Variants in FAM227B observed in about 807,000 individuals in gnomAD.
FAM227B encodes the protein family with sequence similarity 227 member B.
A neutral mutation model predicts 73.8 loss-of-function variants in FAM227B; 88 were observed. That is an observed-to-expected ratio of 1.19 (90% CI 1.00 to 1.42). The LOEUF (loss-of-function observed/expected upper bound fraction) is 1.42. Ranked by LOEUF, FAM227B falls within the 40% of genes most tolerant of loss-of-function variation. FAM227B has a pLI of 0.00. For missense variants in FAM227B, 632 were observed against 590.9 expected, an observed-to-expected ratio of 1.07 and a Z score of -0.72; for synonymous variants, 210 against 190.5, an observed-to-expected ratio of 1.10 and a Z score of -0.84.
intron 11 of FAM227B, chr15:49,396,570 GTA>G (rs2047661074): frequency 6.3e-6 from 1 of 157,672 alleles, no homozygotes; most frequent in African/African-American, 2.4e-5. Context: ...AAAGACAACA[GTA>G]ACCTCTGCAG....
At chr15:49,546,861 G>A (rs2071983127) in intron 9 of FAM227B, among the ~76,000 whole-genome samples, 1 of 152,162 alleles carries the variant, frequency 6.6e-6, no homozygotes, top group African/African-American at 2.4e-5. Context: ...ACACTCTGCA[G>A]GATATTATCC....
At chr15:49,334,196 C>T in intron 14 of FAM227B, 1 of 957,532 alleles carries the variant, frequency 1.0e-6, no homozygotes, top group Non-Finnish European at 1.2e-6. Context: ...TTAAGCACTA[C>T]CAAGCTGAAT....
At chr15:49,596,385 A>G (rs984008194) in intron 3 of FAM227B, among the ~76,000 whole-genome samples, 3 of 152,016 alleles carry the variant, frequency 2.0e-5, no homozygotes, top group South Asian at 2.1e-4. Context: ...AAGACAAGAT[A>G]AAGTCCTCTT....
At chr15:49,385,688 C>T (rs567648116) in intron 11 of FAM227B, among the ~76,000 whole-genome samples, 12 of 150,740 alleles carry the variant, frequency 8.0e-5, no homozygotes, top group African/African-American at 2.7e-4. Context: ...CCTAAATACT[C>T]CACTTAAAAG....
At position 49,331,858 on chromosome 15, in the gene FAM227B, G is replaced by A; in HGVS notation, c.1350-9C>T. 1 of 1,579,968 alleles carries A rather than the reference G, an allele frequency of 6.3e-7. No individual in the cohort carries two copies. The highest frequency in any genetic ancestry group is 8.7e-7 in the Non-Finnish European group (1 of 1,149,378). On this transcript the variant is annotated splice_polypyrimidine_tract_variant and intron_variant, in intron 14 of 15. Coordinates refer to ENST00000299338, the MANE Select transcript of FAM227B (RefSeq NM_152647.3). Reference sequence around the variant, plus strand: ...TAGCCTTTGCTTGGAGTCTAATCATGGAATAAAGAAAATCAGTAACCAAAC... The same window carrying A: ...TAGCCTTTGCTTGGAGTCTAATCATAGAATAAAGAAAATCAGTAACCAAAC...
chr15:49,351,210 C>A (rs983047681), intron 13 of FAM227B, among the ~76,000 whole-genome samples: 1 of 152,104 alleles, frequency 6.6e-6, no homozygotes, highest in Admixed American at 6.5e-5. Context: ...ATACACTGTG[C>A]TTCTATACAA....
At chr15:49,459,922 T>C (rs1461427006) in intron 11 of FAM227B, among the ~76,000 whole-genome samples, 3 of 152,180 alleles carry the variant, frequency 2.0e-5, no homozygotes, top group Admixed American at 2.0e-4. Flanking sequence ...TGCCACACAT[T>C]AGAGACATTT....
At chr15:49,464,247 A>C (rs1379250471) in intron 11 of FAM227B, among the ~76,000 whole-genome samples, 2 of 152,130 alleles carry the variant, frequency 1.3e-5, no homozygotes, top group Non-Finnish European at 2.9e-5. Context: ...TTCCCGAAGG[A>C]TATTTTTTGC....
chr15:49,545,756 T>C (rs950254299), intron 9 of FAM227B, among the ~76,000 whole-genome samples: 1 of 152,162 alleles, frequency 6.6e-6, no homozygotes, highest in African/African-American at 2.4e-5. Context: ...CACCCAAAGA[T>C]CATTCAGGAG....
intron 13 of FAM227B, among the ~76,000 whole-genome samples, chr15:49,350,403 T>C (rs1037744552): frequency 7.9e-5 from 12 of 152,162 alleles, no homozygotes; most frequent in African/African-American, 2.9e-4. Context: ...TTCTTTAAAT[T>C]TTGCTCTAAA....
intron 11 of FAM227B, 70 bp downstream of exon 11, chr15:49,508,141 C>A (rs2058715148): frequency 6.7e-7 from 1 of 1,481,976 alleles, no homozygotes; most frequent in Non-Finnish European, 9.1e-7. Flanking sequence ...TTAGAAAATT[C>A]TGCCTAATAA....
chr15:49,339,865 G>C (rs2040404573), intron 13 of FAM227B, among the ~76,000 whole-genome samples: 1 of 152,164 alleles, frequency 6.6e-6, no homozygotes. Context: ...GCCTTGCTGA[G>C]CTGCGGTGGG....
chr15:49,587,524 C>T (rs2152401228), intron 5 of FAM227B, among the ~76,000 whole-genome samples: 1 of 152,082 alleles, frequency 6.6e-6, no homozygotes, highest in Middle Eastern at 3.4e-3. Context: ...AATGAGGTGG[C>T]TAGACTAATG....
chr15:49,424,624 G>T, intron 11 of FAM227B: 2 of 1,418,684 alleles, frequency 1.4e-6, no homozygotes, highest in Non-Finnish European at 9.5e-7. Context: ...TTAGCAATCT[G>T]TTAATGGATC....
intron 3 of FAM227B, among the ~76,000 whole-genome samples, chr15:49,590,353 C>A (rs2076449663): frequency 6.6e-6 from 1 of 152,112 alleles, no homozygotes; most frequent in African/African-American, 2.4e-5. Flanking sequence ...TACAAAGACT[C>A]TATTCAAGTT....
Position 49,508,355 on chromosome 15 carries a change from A to C in FAM227B, c.875-7T>G. ...CCTTTTTGAGGTTTTAAACCTGTTA[A>C]TATAAAATACATATTTAGCCAAATA... On this transcript the variant is annotated splice_polypyrimidine_tract_variant and splice_region_variant and intron_variant, in intron 10 of 15. Coordinates refer to ENST00000299338, the MANE Select transcript of FAM227B (RefSeq NM_152647.3). 1 of 1,564,014 alleles carries C rather than the reference A, an allele frequency of 6.4e-7. No homozygotes were observed.
chr15:49,425,986 A>T (rs2050096507), intron 11 of FAM227B, among the ~76,000 whole-genome samples: 1 of 151,566 alleles, frequency 6.6e-6, no homozygotes, highest in South Asian at 2.1e-4. Flanking sequence ...AGTTGCTCAG[A>T]TTTATCATGG....
At chr15:49,588,267 A>G (rs769743918) in intron 4 of FAM227B, among the ~76,000 whole-genome samples, 184 bp from the exon 5 acceptor site, 12 of 151,762 alleles carry the variant, frequency 7.9e-5, no homozygotes, top group Non-Finnish European at 1.5e-4. Context: ...ATTATTATAT[A>G]AAGTATATCT....
intron 11 of FAM227B, among the ~76,000 whole-genome samples, chr15:49,457,115 T>A (rs2053373310): frequency 6.6e-6 from 1 of 152,016 alleles, no homozygotes; most frequent in Admixed American, 6.6e-5. Flanking sequence ...CAGCAAGACG[T>A]TTGGGTTTCA....
Sources: allele counts gnomAD v4.1 joint callset (sites outside exome capture counted in the v4.1 genomes callset), GRCh38; gene constraint gnomAD v4.1.1; transcripts MANE v1.5; gene names NCBI Gene and HGNC (gene_info 2026-07-23, HGNC 2026-07-21).